The following RBFOX1 variants were observed in gnomAD, a reference collection of about 807,000 sequenced individuals.
RBFOX1 encodes the protein RNA binding fox-1 homolog 1.
In RBFOX1, 8 loss-of-function variants were observed where a neutral mutation model predicts 57.7. That is an observed-to-expected ratio of 0.14 (90% CI 0.08 to 0.25). The LOEUF is 0.25. RBFOX1 is among the 10% of genes least tolerant of loss of function. RBFOX1 has a pLI of 1.00. For missense variants in RBFOX1, 611 were observed against 548.5 expected (o/e 1.11, Z -1.14); for synonymous variants, 326 against 222.4 (o/e 1.47, Z -4.15).
chr16:6,078,524 C>G (rs779928164), intron 1 of RBFOX1, among the ~76,000 whole-genome samples: 1 of 152,118 alleles, frequency 6.6e-6, no homozygotes, highest in Admixed American at 6.5e-5. Context: ...CACCCCTGTT[C>G]TAGAGCCAGT....
chr16:7,480,176 A>T (rs139637765), intron 4 of RBFOX1, among the ~76,000 whole-genome samples: 1 of 152,296 alleles, frequency 6.6e-6, no homozygotes, highest in African/African-American at 2.4e-5. Context: ...TCTCTAAGTT[A>T]CAGTTTTCTG....
intron 2 of RBFOX1, among the ~76,000 whole-genome samples, chr16:6,529,473 C>T (rs1288321575): frequency 1.3e-5 from 2 of 151,952 alleles, no homozygotes; most frequent in South Asian, 2.1e-4. Context: ...GCAGGAAAAT[C>T]GCTTGAACCT....
intron 3 of RBFOX1, among the ~76,000 whole-genome samples, chr16:5,636,807 C>A (rs149306731): frequency 6.6e-6 from 1 of 152,262 alleles, no homozygotes; most frequent in Non-Finnish European, 1.5e-5. Flanking sequence ...TGATTTAGGA[C>A]CGGCCTTTGG....
chr16:5,997,768 A>C (rs1356426272), intron 4 of RBFOX1, among the ~76,000 whole-genome samples: 1 of 152,166 alleles, frequency 6.6e-6, no homozygotes, highest in Non-Finnish European at 1.5e-5. Flanking sequence ...ATCTCACTCA[A>C]CTAGGAGATC....
Position 5,861,941 on chromosome 16 carries a change from G to A in RBFOX1, c.319-5362G>A, listed in dbSNP as rs118023105. Among the ~76,000 whole-genome samples the A allele has an allele frequency of 8.3e-3, 1,259 of 152,250 alleles. 7 individuals carry two copies. Among genetic ancestry groups the A allele is most frequent in the Non-Finnish European group, 0.013 (897 of 68,018 alleles). On this transcript the variant is annotated intron_variant, in intron 3 of 19. Transcript: ENST00000641259. Reference sequence around the variant, plus strand: ...CCTGTGGGGGGAATGGAGGAGATGCGTCTTATACTGTACGTGAGATTAAAG... The same window carrying A: ...CCTGTGGGGGGAATGGAGGAGATGCATCTTATACTGTACGTGAGATTAAAG...
rs1315377303 is a variant in RBFOX1, at chr16:6,060,131, T to TTTTTG, written c.-127+40143_-127+40144insGTTTT. Among the ~76,000 whole-genome samples, 15 of 11,998 alleles carry TTTTTG rather than the reference T, an allele frequency of 1.3e-3. No individual in the cohort carries two copies. In the South Asian group the frequency reaches 0.021, roughly 17 times the overall value. 7.9% of individuals were successfully genotyped at this position (11,998 alleles called of 152,430 possible). A position where few individuals can be genotyped will look rare whatever the true frequency, so the allele number is the denominator to read the frequency against. On this transcript the variant is annotated intron_variant, in intron 1 of 15. Coordinates refer to ENST00000550418, the MANE Select transcript of RBFOX1 (RefSeq NM_018723.4). ...TAAAATTAGGATTAGGGTTTTTTTT[T>TTTTTG]TTTTTTTTTTTTTTTTTTTTTTTTT...
At chr16:5,943,864 T>G (rs892403198) in intron 4 of RBFOX1, among the ~76,000 whole-genome samples, 3 of 151,810 alleles carry the variant, frequency 2.0e-5, no homozygotes, top group African/African-American at 7.3e-5. Flanking sequence ...CATCCACTCA[T>G]CCATTAATCT....
At chr16:5,420,573 A>G (rs149398992) in intron 1 of RBFOX1, among the ~76,000 whole-genome samples, 273 of 152,050 alleles carry the variant, frequency 1.8e-3, no homozygotes, top group African/African-American at 6.2e-3. Flanking sequence ...CAGTGGTGCA[A>G]TCATGGCCCA....
At chr16:6,567,796 A>G (rs145332794) in intron 2 of RBFOX1, among the ~76,000 whole-genome samples, 32 of 152,216 alleles carry the variant, frequency 2.1e-4, no homozygotes, top group African/African-American at 6.7e-4. Context: ...GGCTTTATGG[A>G]CAAACCCCAC....
At chr16:5,983,475 C>A (rs777490905) in intron 4 of RBFOX1, among the ~76,000 whole-genome samples, 12 of 152,134 alleles carry the variant, frequency 7.9e-5, no homozygotes, top group Admixed American at 2.6e-4. Context: ...ACTCATGGAA[C>A]CTTCCAGTGA....
At chr16:6,668,338 G>A (rs1222543272) in intron 3 of RBFOX1, among the ~76,000 whole-genome samples, 1 of 152,194 alleles carries the variant, frequency 6.6e-6, no homozygotes, top group African/African-American at 2.4e-5. Context: ...AGAGCCACAG[G>A]GCACCTGCCA....
Position 7,346,449 on chromosome 16 carries a change from G to A in RBFOX1, c.28-171698G>A, listed in dbSNP as rs141631929. ...CTTCCTGGGAATGGACACGACACGC[G>A]TTTGATAATGTCTCTGCTTTCTGGC... is the stretch of plus-strand genomic sequence containing the variant. On this transcript the variant is annotated intron_variant, in intron 4 of 15. Coordinates refer to ENST00000550418, the MANE Select transcript of RBFOX1 (RefSeq NM_018723.4). Among the ~76,000 whole-genome samples, 6 of 152,166 alleles carry A rather than the reference G, an allele frequency of 3.9e-5. No individual in the cohort carries two copies. The East Asian group carries it at 5.8e-4, about 15-fold the overall frequency.
chr16:5,450,181 C>T (rs190602248), intron 1 of RBFOX1, among the ~76,000 whole-genome samples: 1 of 152,136 alleles, frequency 6.6e-6, no homozygotes, highest in East Asian at 1.9e-4. Context: ...GAGCCCGATC[C>T]TTGTGAATTT....
chr16:7,506,914 G>C (rs1179182132), intron 4 of RBFOX1, among the ~76,000 whole-genome samples: 1 of 152,158 alleles, frequency 6.6e-6, no homozygotes, highest in Non-Finnish European at 1.5e-5. Context: ...GGACTGGAAG[G>C]AGGATCAGTT....
chr16:6,616,247 G>A (rs909118879), intron 2 of RBFOX1, among the ~76,000 whole-genome samples: 18 of 152,088 alleles, frequency 1.2e-4, no homozygotes, highest in Non-Finnish European at 2.6e-4. Flanking sequence ...ATATTCTCCT[G>A]TCCTTTAAAA....
At chr16:5,669,696 G>T (rs1444160787) in intron 3 of RBFOX1, among the ~76,000 whole-genome samples, 2 of 152,142 alleles carry the variant, frequency 1.3e-5, no homozygotes, top group Admixed American at 1.3e-4. Context: ...GAGATTACAG[G>T]CGTGAGCCAC....
chr16:7,201,108 C>G (rs1226528522), intron 4 of RBFOX1, among the ~76,000 whole-genome samples: 1 of 152,138 alleles, frequency 6.6e-6, no homozygotes. Flanking sequence ...AAAAATTGCT[C>G]TGCAGGCAAC....
At chr16:5,270,704 C>G (rs1490547103) in intron 1 of RBFOX1, 7 of 506,200 alleles carry the variant, frequency 1.4e-5, no homozygotes, top group African/African-American at 7.9e-5. Flanking sequence ...GATGTGCAGA[C>G]AAATGACTTG....
chr16:7,323,465 T>C (rs1445810737), intron 4 of RBFOX1, among the ~76,000 whole-genome samples: 1 of 152,184 alleles, frequency 6.6e-6, no homozygotes, highest in African/African-American at 2.4e-5. Flanking sequence ...CAGGCCACCA[T>C]TTCTCAGAGT....
Sources: gnomAD v4.1 joint callset for allele counts (sites outside exome capture counted in the v4.1 genomes callset) on GRCh38, gnomAD v4.1.1 for gene constraint, MANE v1.5 for transcripts, NCBI Gene and HGNC (gene_info 2026-07-23, HGNC 2026-07-21) for gene names.